The following MPHOSPH8 variants were observed in gnomAD, a reference collection of about 807,000 sequenced individuals.
The protein encoded by MPHOSPH8 is M-phase phosphoprotein, mpp.
Under a neutral mutation model 87.3 loss-of-function variants are expected in MPHOSPH8, and 45 were observed. That is an observed-to-expected ratio of 0.52 (90% CI 0.41 to 0.66). The LOEUF (loss-of-function observed/expected upper bound fraction) is 0.66, where lower values mean the gene tolerates loss of function less well. Among genes scored for constraint, MPHOSPH8 ranks in the 30% least tolerant of loss-of-function variants. The probability of loss-of-function intolerance (pLI) is 0.00; values close to 1 mark genes in which losing one functional copy is unlikely to be tolerated. For synonymous variants in MPHOSPH8, 366 were observed against 376.9 expected, an observed-to-expected ratio of 0.97 and a Z score of 0.33; for missense variants, 883 against 1,020.2, an observed-to-expected ratio of 0.87 and a Z score of 1.83.
chr13:19,638,212 G>A (rs1183601734), intron 1 of MPHOSPH8, among the ~76,000 whole-genome samples: 1 of 152,006 alleles, frequency 6.6e-6, no homozygotes, highest in African/African-American at 2.4e-5. Context: ...CCCATTTAAT[G>A]TAGCTGAACA....
intron 10 of MPHOSPH8, among the ~76,000 whole-genome samples, chr13:19,667,931 C>T (rs527622477): frequency 7.2e-5 from 11 of 152,236 alleles, no homozygotes; most frequent in South Asian, 2.1e-4. Context: ...TCTGGGACCG[C>T]GCCTGTTGAA....
Position 19,659,011 on chromosome 13 carries a change from T to G in MPHOSPH8, c.1593T>G (p.Ile531Met), listed in dbSNP as rs1320029695. 1.9e-6 allele frequency: 3 copies of G among 1,613,370 alleles called. No homozygotes were observed. Among genetic ancestry groups the G allele is most frequent in the South Asian group, 1.1e-5 (1 of 90,700 alleles). Reference protein sequence around the residue: ...ADENSDGRQQILSLGMDLQLE... With the variant: ...ADENSDGRQQMLSLGMDLQLE... ...GTGTTCCAGATGGCAGGCAGCAGATTCTGAGTTTGGGCATGGACCTGCAGT... is the reference window on the plus strand; with the variant it reads ...GTGTTCCAGATGGCAGGCAGCAGATGCTGAGTTTGGGCATGGACCTGCAGT... The change falls in exon 6 of 14, where the codon ATT becomes ATG. Residue 531 changes from isoleucine (I) to methionine (M), a missense_variant. Physicochemically the swap from Ile to Met is conservative, Grantham distance 10. This residue lies in a region of MPHOSPH8 where 741 missense variants were observed against 841.5 expected (regional missense o/e 0.88). Coordinates refer to ENST00000361479, the MANE Select transcript of MPHOSPH8 (RefSeq NM_017520.4).
chr13:19,661,505 A>G (rs1875526727), intron 7 of MPHOSPH8, among the ~76,000 whole-genome samples, 193 bp from the exon 8 acceptor site: 1 of 152,234 alleles, frequency 6.6e-6, no homozygotes, highest in Admixed American at 6.5e-5. Flanking sequence ...TTATGCAAAC[A>G]TTCATATGTG....
chr13:19,660,319 AG>A (rs1457443629), intron 7 of MPHOSPH8, among the ~76,000 whole-genome samples: 4 of 151,680 alleles, frequency 2.6e-5, no homozygotes, highest in Admixed American at 6.6e-5. Flanking sequence ...CCTAGATTTT[AG>A]GTTTGTGTTT....
chr13:19,646,599 G>A lies in MPHOSPH8; in HGVS notation c.526G>A (p.Gly176Arg), dbSNP rs377501756. 5.4e-5 allele frequency: 86 copies of A among 1,583,522 alleles called. No individual in the cohort carries two copies. In the Middle Eastern group the frequency reaches 8.5e-4, roughly 16 times the overall value. The stretch of plus-strand genomic sequence containing the variant: ...TCTGAAAAAGAAAAAAGCAAAGGCC[G>A]GGAAGCTAAAAGACAAGTCCAAACC... ...DDLKKKKAKA[G>R]KLKDKSKPDL... Residue 176 changes from glycine (G) to arginine (R), a missense_variant, in exon 3 of 14, where the codon GGG becomes AGG. By Grantham distance (125) the Gly-to-Arg change is moderately radical (BLOSUM62 -2). Coordinates refer to ENST00000361479, the MANE Select transcript of MPHOSPH8 (RefSeq NM_017520.4).
intron 12 of MPHOSPH8, 77 bp from the exon 13 acceptor site, chr13:19,671,129 T>C: frequency 6.5e-7 from 1 of 1,548,632 alleles, no homozygotes; most frequent in Non-Finnish European, 8.7e-7. Flanking sequence ...TTTATGATTC[T>C]TTTACATCAT....
At chr13:19,662,921 C>CA (rs2137536371) in intron 8 of MPHOSPH8, 119 bp from the exon 9 acceptor site, 1 of 859,428 alleles carries the variant, frequency 1.2e-6, no homozygotes, top group East Asian at 2.6e-5. Context: ...CTGCAGCCCG[C>CA]AACCACTTGT....
intron 9 of MPHOSPH8, among the ~76,000 whole-genome samples, chr13:19,665,512 G>A (rs1875764623): frequency 6.6e-6 from 1 of 151,832 alleles, no homozygotes; most frequent in Non-Finnish European, 1.5e-5. Context: ...TGTCCTGGAC[G>A]GCGTCCCTAA....
chr13:19,667,313 G>A lies in MPHOSPH8; in HGVS notation c.2174+734G>A, dbSNP rs760631560. 2.0e-5 allele frequency among the ~76,000 whole-genome samples: 3 copies of A among 152,276 alleles called. No individual in the cohort carries two copies. In the South Asian group the frequency reaches 6.2e-4, roughly 32 times the overall value. On this transcript the variant is annotated intron_variant, in intron 10 of 13. Coordinates refer to ENST00000361479, the MANE Select transcript of MPHOSPH8 (RefSeq NM_017520.4). ...CACCGCCATCCTCCCCGACTGTCGA[G>A]ATCCCAGTCACCCACAGTGGGACAT...
chr13:19,651,830 C>T (rs150266065), intron 5 of MPHOSPH8, among the ~76,000 whole-genome samples: 4 of 151,890 alleles, frequency 2.6e-5, no homozygotes, highest in African/African-American at 4.8e-5. Context: ...CTGGGCACGG[C>T]GGCTCACACC....
At chr13:19,642,090 T>C in intron 1 of MPHOSPH8, 25 bp from the exon 2 acceptor site, 1 of 1,466,148 alleles carries the variant, frequency 6.8e-7, no homozygotes, top group Non-Finnish European at 9.0e-7. Flanking sequence ...CTGCTTTATT[T>C]GCCTCCTTTT....
At position 19,647,118 on chromosome 13, in the gene MPHOSPH8, A is replaced by G. The variant is rs1440703265; in HGVS notation, c.1045A>G (p.Asn349Asp). 6.2e-7 allele frequency: 1 copy of G among 1,613,862 alleles called. No homozygotes were observed. The highest frequency in any genetic ancestry group is 8.5e-7 in the Non-Finnish European group (1 of 1,180,004). ...CACTAGAGAGAACAGGAAGCTAGAG[A>G]ACAAGAACGCTTTCTTAGAGAAGAA... ...EDTRENRKLENKNAFLEKKTV... is the reference protein window; with the variant it reads ...EDTRENRKLEDKNAFLEKKTV... Residue 349 changes from asparagine (N) to aspartate (D), a missense_variant, in exon 3 of 14, where the codon AAC becomes GAC. By Grantham distance (23) the Asn-to-Asp change is conservative. This residue lies in a region of MPHOSPH8 where 741 missense variants were observed against 841.5 expected (regional missense o/e 0.88). Coordinates refer to ENST00000361479, the MANE Select transcript of MPHOSPH8 (RefSeq NM_017520.4).
At chr13:19,669,202 A>C (rs1206355256) in intron 11 of MPHOSPH8, among the ~76,000 whole-genome samples, 2 of 152,150 alleles carry the variant, frequency 1.3e-5, no homozygotes, top group Non-Finnish European at 1.5e-5. Flanking sequence ...TGTTGTTTTG[A>C]GATGGAGTCT....
At chr13:19,652,935 G>A (rs180786818) in intron 5 of MPHOSPH8, among the ~76,000 whole-genome samples, 2 of 152,304 alleles carry the variant, frequency 1.3e-5, no homozygotes, top group African/African-American at 2.4e-5. Context: ...CACAGTCAGG[G>A]TCTTGTAGAT....
chr13:19,638,499 G>A (rs1430091797), intron 1 of MPHOSPH8, among the ~76,000 whole-genome samples: 1 of 151,546 alleles, frequency 6.6e-6, no homozygotes, highest in African/African-American at 2.4e-5. Context: ...TGTAGTCTCA[G>A]CTACTCGGGA....
intron 5 of MPHOSPH8, among the ~76,000 whole-genome samples, chr13:19,656,793 T>G (rs1352687642): frequency 6.6e-6 from 1 of 151,536 alleles, no homozygotes; most frequent in Non-Finnish European, 1.5e-5. Context: ...CAGTTTTCAA[T>G]AGCAACACAT....
chr13:19,654,417 G>A (rs533762804), intron 5 of MPHOSPH8, among the ~76,000 whole-genome samples: 10 of 152,252 alleles, frequency 6.6e-5, no homozygotes, highest in Non-Finnish European at 1.3e-4. Context: ...CATGGCACGT[G>A]TATGCCTGTG....
Position 19,637,559 on chromosome 13 carries a change from A to G in MPHOSPH8, c.213+3598A>G, listed in dbSNP as rs1874070103. 2.6e-5 allele frequency among the ~76,000 whole-genome samples: 4 copies of G among 152,248 alleles called. No individual in the cohort carries two copies. The South Asian group carries it at 8.3e-4, about 32-fold the overall frequency. ...GACCCATTACTGATAAAATTAGCTGATAAAATCCACCCGCCTCGGCCTCCC... is the reference window on the plus strand; with the variant it reads ...GACCCATTACTGATAAAATTAGCTGGTAAAATCCACCCGCCTCGGCCTCCC... On this transcript the variant is annotated intron_variant, in intron 1 of 13. Transcript: ENST00000361479.
At chr13:19,634,112 GAAGTGAC>G in intron 1 of MPHOSPH8, 151 bp downstream of exon 1, 1 of 852,804 alleles carries the variant, frequency 1.2e-6, no homozygotes, top group Non-Finnish European at 1.9e-6. Context: ...TGGGAAAAGC[GAAGTGAC>G]ATTTCCAACT....
Sources: gnomAD v4.1 joint callset for allele counts (sites outside exome capture counted in the v4.1 genomes callset) on GRCh38, gnomAD v4.1.1 for gene constraint, gnomAD v4.1.1 regional missense constraint, MANE v1.5 for transcripts, NCBI Gene and HGNC (gene_info 2026-07-23, HGNC 2026-07-21) for gene names.